The following HSPBAP1 variants were observed in gnomAD, a reference collection of about 807,000 sequenced individuals.
The protein encoded by HSPBAP1 is HSPB1-associated protein 1.
In HSPBAP1, 27 loss-of-function variants were observed where a neutral mutation model predicts 45.2. The observed-to-expected ratio is 0.60, with a 90% confidence interval of 0.44 to 0.82. The LOEUF (loss-of-function observed/expected upper bound fraction) is 0.82. Ranked by LOEUF, HSPBAP1 falls within the 40% of genes least tolerant of loss-of-function variation. The probability of loss-of-function intolerance (pLI) is 0.00; values close to 1 mark genes in which losing one functional copy is unlikely to be tolerated. For missense variants in HSPBAP1, 510 were observed against 590.9 expected (o/e 0.86, Z 1.42); for synonymous variants, 204 against 202.7 (o/e 1.01, Z -0.06).
In HSPBAP1 at chr3:122,755,437, T is replaced by TAA. The variant is rs56210865; in HGVS notation, c.570-8_570-7dup. Reference sequence around the variant, plus strand: ...GAAAGAGATGCCATCGTTTCCTAATTAAAAAAAAAAAAAAAAGATACAAGT... The same window carrying TAA: ...GAAAGAGATGCCATCGTTTCCTAATTAAAAAAAAAAAAAAAAAAGATACAAGT... On this transcript the variant is annotated splice_polypyrimidine_tract_variant and splice_region_variant and intron_variant, in intron 4 of 7. Transcript: ENST00000306103. 8.1e-3 allele frequency: 9,541 copies of TAA among 1,178,132 alleles called. 3 individuals are homozygous for TAA. Among genetic ancestry groups the TAA allele is most frequent in the South Asian group, 0.012 (551 of 46,060 alleles). The allele number at this position is 1,178,132 out of a possible 1,614,324, so 73.0% of individuals were successfully genotyped here.
Position 122,765,373 on chromosome 3 carries a change from G to A in HSPBAP1, c.432+3328C>T, listed in dbSNP as rs545116773. Among the ~76,000 whole-genome samples the A allele has an allele frequency of 1.2e-4, 18 of 152,236 alleles. No individual in the cohort carries two copies. In the South Asian group the frequency reaches 3.7e-3, roughly 32 times the overall value. ...AGGCAGGCGGATCACTTGAGTTCAGGAGTTCGAGGCCAGCCTGGCCAACAT... is the reference window on the plus strand; with the variant it reads ...AGGCAGGCGGATCACTTGAGTTCAGAAGTTCGAGGCCAGCCTGGCCAACAT... On this transcript the variant is annotated intron_variant, in intron 3 of 7. Transcript: ENST00000306103.
chr3:122,755,373 G>T lies in HSPBAP1; in HGVS notation c.628C>A (p.Pro210Thr). Reference protein sequence around the residue: ...DTPFLYPTRIPYEESSVFSKI... With the variant: ...DTPFLYPTRITYEESSVFSKI... The stretch of plus-strand genomic sequence containing the variant: ...CTGAACACACTAGATTCTTCATAAG[G>T]GATTCTAGTTGGATAAAGGAAAGGA... Residue 210 changes from proline to threonine, a missense_variant, in exon 5 of 8, where the codon CCT becomes ACT. Pro to Thr is a conservative substitution (Grantham distance 38, BLOSUM62 -1). Coordinates refer to ENST00000306103, the MANE Select transcript of HSPBAP1 (RefSeq NM_024610.6). 1 of 1,591,082 alleles carries T rather than the reference G, an allele frequency of 6.3e-7. No individual in the cohort carries two copies.
intron 6 of HSPBAP1, 104 bp from the exon 7 acceptor site, chr3:122,741,217 G>A (rs952217430): frequency 9.3e-6 from 8 of 859,884 alleles, no homozygotes; most frequent in Non-Finnish European, 1.3e-5. Context: ...ATTAATATAA[G>A]CTTTGTTATA....
At chr3:122,745,427 T>TG (rs1199832251) in intron 6 of HSPBAP1, among the ~76,000 whole-genome samples, 4 of 152,226 alleles carry the variant, frequency 2.6e-5, no homozygotes, top group Non-Finnish European at 5.9e-5. Flanking sequence ...CGCCCTTATC[T>TG]GCAGTTTCGC....
At chr3:122,780,830 T>A (rs1399438867) in intron 1 of HSPBAP1, among the ~76,000 whole-genome samples, 4 of 138,402 alleles carry the variant, frequency 2.9e-5, no homozygotes, top group South Asian at 2.4e-4. Flanking sequence ...GTCTCCTCAC[T>A]TCTCAGACGG....
chr3:122,758,682 G>T, intron 4 of HSPBAP1: 1 of 452,354 alleles, frequency 2.2e-6, no homozygotes, highest in South Asian at 1.6e-5. Context: ...CAAGGCAGGA[G>T]TATGGTTTGA....
Position 122,777,909 on chromosome 3 carries a change from A to G in HSPBAP1, c.65-3T>C, listed in dbSNP as rs747137959. Reference sequence around the variant, plus strand: ...CTTAAAAGGTTTGACATGTTCACCTAGAAAGAGAAATGAATACAGCAATAG... The same window carrying G: ...CTTAAAAGGTTTGACATGTTCACCTGGAAAGAGAAATGAATACAGCAATAG... On this transcript the variant is annotated splice_region_variant and splice_polypyrimidine_tract_variant and intron_variant, in intron 1 of 7. Coordinates refer to ENST00000306103, the MANE Select transcript of HSPBAP1 (RefSeq NM_024610.6). The G allele has an allele frequency of 6.2e-7, 1 of 1,606,806 alleles. No homozygotes were observed. The highest frequency in any genetic ancestry group is 1.7e-4 in the Middle Eastern group (1 of 6,048).
chr3:122,763,956 C>G (rs1176361945), intron 3 of HSPBAP1, among the ~76,000 whole-genome samples: 2 of 152,236 alleles, frequency 1.3e-5, no homozygotes, highest in Non-Finnish European at 2.9e-5. Flanking sequence ...TCTGCTCATG[C>G]CCCCTTCAAT....
At chr3:122,741,437 A>T in intron 6 of HSPBAP1, 1 of 269,462 alleles carries the variant, frequency 3.7e-6, no homozygotes, top group Non-Finnish European at 7.2e-6. Context: ...AAAGTACCAC[A>T]TACAGAGGAA....
intron 1 of HSPBAP1, among the ~76,000 whole-genome samples, chr3:122,781,088 G>C (rs1450703533): frequency 6.6e-6 from 1 of 151,564 alleles, no homozygotes; most frequent in Non-Finnish European, 1.5e-5. Flanking sequence ...GCCGGGCAGA[G>C]GGGCTCCTCA....
intron 3 of HSPBAP1, among the ~76,000 whole-genome samples, chr3:122,762,590 T>C (rs963227116): frequency 5.3e-5 from 8 of 152,226 alleles, no homozygotes; most frequent in Non-Finnish European, 1.0e-4. Context: ...AGGACTAGCC[T>C]AATATTTCCT....
chr3:122,746,706 G>A (rs138510249), intron 6 of HSPBAP1, among the ~76,000 whole-genome samples: 13,323 of 151,346 alleles, frequency 0.088, 675 homozygotes, highest in East Asian at 0.13. Context: ...ATGCCGAGCC[G>A]AAGCTGGACT....
chr3:122,745,995 G>A (rs1933833964), intron 6 of HSPBAP1, among the ~76,000 whole-genome samples: 2 of 152,284 alleles, frequency 1.3e-5, no homozygotes, highest in Non-Finnish European at 2.9e-5. Context: ...TAGGTGGAAG[G>A]CATGAACAGA....
intron 3 of HSPBAP1, among the ~76,000 whole-genome samples, chr3:122,765,101 G>A (rs558425707): frequency 4.5e-4 from 68 of 152,294 alleles, no homozygotes; most frequent in African/African-American, 1.6e-3. Context: ...AAGTTGGAAT[G>A]TAAGAATTAA....
intron 3 of HSPBAP1, among the ~76,000 whole-genome samples, chr3:122,762,271 CTTT>C (rs535189641): frequency 0.052 from 7,642 of 145,614 alleles, 258 homozygotes; most frequent in Middle Eastern, 0.11. Context: ...TCTCCTTTAT[CTTT>C]TTTTTTTTTT....
Position 122,768,896 on chromosome 3 carries a change from G to A in HSPBAP1, c.251-14C>T. 1 of 1,538,544 alleles carries A rather than the reference G, an allele frequency of 6.5e-7. No homozygotes were observed. Among genetic ancestry groups the A allele is most frequent in the Non-Finnish European group, 9.0e-7 (1 of 1,116,726 alleles). On this transcript the variant is annotated splice_polypyrimidine_tract_variant and intron_variant, in intron 2 of 7. Transcript: ENST00000306103. The stretch of plus-strand genomic sequence containing the variant: ...CAAACTGAGGAACTGCAATGTAAGA[G>A]AATGCAACCTTAAATGTATAATGAA...
At chr3:122,772,663 C>A in intron 2 of HSPBAP1, among the ~76,000 whole-genome samples, 1 of 148,726 alleles carries the variant, frequency 6.7e-6, no homozygotes. Context: ...AAGAAATAAT[C>A]AATTAGAAAA....
At chr3:122,778,888 T>A (rs1935295230) in intron 1 of HSPBAP1, among the ~76,000 whole-genome samples, 1 of 152,198 alleles carries the variant, frequency 6.6e-6, no homozygotes, top group Non-Finnish European at 1.5e-5. Flanking sequence ...GATGCTGTTA[T>A]CCTTCATAGT....
intron 1 of HSPBAP1, among the ~76,000 whole-genome samples, chr3:122,779,520 A>ATTTAT (rs1553756459): frequency 6.8e-6 from 1 of 148,074 alleles, no homozygotes; most frequent in African/African-American, 2.5e-5. Context: ...TTATTTATTT[A>ATTTAT]TTTTTTATTG....
Sources: gnomAD v4.1 joint callset for allele counts (sites outside exome capture counted in the v4.1 genomes callset) on GRCh38, gnomAD v4.1.1 for gene constraint, MANE v1.5 for transcripts, NCBI Gene and HGNC (gene_info 2026-07-23, HGNC 2026-07-21) for gene names.